The following DGKD variants were observed in gnomAD, a reference collection of about 807,000 sequenced individuals.
DGKD encodes the protein diacylglycerol kinase delta.
DGKD carries 68 observed loss-of-function variants against 154.4 expected under a neutral mutation model. The observed-to-expected ratio is 0.44, with a 90% CI of 0.36 to 0.54. The LOEUF (loss-of-function observed/expected upper bound fraction) is 0.54. DGKD is among the 20% of genes least tolerant of loss of function. DGKD has a pLI of 0.00. For synonymous variants in DGKD, 693 were observed against 638.0 expected, an observed-to-expected ratio of 1.09 and a Z score of -1.30; for missense variants, 1,343 against 1,593.6, an observed-to-expected ratio of 0.84 and a Z score of 2.68.
At position 233,452,139 on chromosome 2, in the gene DGKD, A is replaced by G. The variant is rs2063314817; in HGVS notation, c.2264+79A>G. Reference sequence around the variant, plus strand: ...TAGAAAACAGATCTCAGGATTAACTAGAGAAATTAGTGAGCAGTTGCCCAG... The same window carrying G: ...TAGAAAACAGATCTCAGGATTAACTGGAGAAATTAGTGAGCAGTTGCCCAG... On this transcript the variant is annotated intron_variant, in intron 18 of 29. Coordinates refer to ENST00000264057, the MANE Select transcript of DGKD (RefSeq NM_152879.3). This position sits in a 1 kb window ranked among gnomAD's most constrained non-coding sequence, Gnocchi z 4.0. The G allele has an allele frequency of 4.4e-6, 6 of 1,349,042 alleles. No individual in the cohort carries two copies. The highest frequency in any genetic ancestry group is 5.3e-6 in the Non-Finnish European group (5 of 944,606). 83.6% of individuals were successfully genotyped at this position (1,349,042 alleles called of 1,614,324 possible). A position where few individuals can be genotyped will look rare whatever the true frequency, so the allele number is the denominator to read the frequency against.
chr2:233,361,278 A>C (rs768751557), intron 1 of DGKD, among the ~76,000 whole-genome samples: 1 of 152,204 alleles, frequency 6.6e-6, no homozygotes, highest in Non-Finnish European at 1.5e-5. Context: ...CCCTGCTTCA[A>C]ATCACCTCAG....
intron 6 of DGKD, 59 bp downstream of exon 6, chr2:233,435,983 C>T: frequency 6.7e-7 from 1 of 1,483,348 alleles, no homozygotes; most frequent in East Asian, 2.3e-5. Context: ...CTGCACGGCC[C>T]CATGCAAGCC....
intron 3 of DGKD, among the ~76,000 whole-genome samples, chr2:233,401,861 A>C (rs2061565479): frequency 7.3e-6 from 1 of 136,824 alleles, no homozygotes; most frequent in Non-Finnish European, 1.5e-5. Flanking sequence ...CAGAGGTTGC[A>C]GTGAGCTGAG....
At chr2:233,461,755 G>T (rs1422827234) in intron 24 of DGKD, among the ~76,000 whole-genome samples, 1 of 152,240 alleles carries the variant, frequency 6.6e-6, no homozygotes, top group Non-Finnish European at 1.5e-5. Context: ...GTCAGGACAG[G>T]CTGGCCCCGC....
intron 1 of DGKD, among the ~76,000 whole-genome samples, chr2:233,378,285 G>A (rs1460017553): frequency 1.3e-5 from 2 of 151,890 alleles, no homozygotes; most frequent in African/African-American, 4.8e-5. Flanking sequence ...GGTGGCGGGC[G>A]CCTGTAGTCC....
Position 233,448,070 on chromosome 2 carries a change from A to G in DGKD, c.1420-17A>G. On this transcript the variant is annotated splice_polypyrimidine_tract_variant and intron_variant, in intron 12 of 29. Coordinates refer to ENST00000264057, the MANE Select transcript of DGKD (RefSeq NM_152879.3). ...GTCACAGAGACCAACAGTCCTGGCC[A>G]TTTGGGGTGATTGCAGGTACAGCAG... 6.2e-7 allele frequency: 1 copy of G among 1,613,782 alleles called. No individual in the cohort carries two copies. Among genetic ancestry groups the G allele is most frequent in the Non-Finnish European group, 8.5e-7 (1 of 1,179,956 alleles).
At chr2:233,432,202 T>C (rs191917141) in intron 3 of DGKD, among the ~76,000 whole-genome samples, 56 of 99,148 alleles carry the variant, frequency 5.6e-4, no homozygotes, top group Admixed American at 1.9e-3. Context: ...CCATCCTGGC[T>C]AACACGGTGA....
At position 233,457,824 on chromosome 2, in the gene DGKD, G is replaced by A. The variant is rs1404858332; in HGVS notation, c.2581-460G>A. The A allele has an allele frequency of 8.8e-6, 3 of 339,570 alleles. No individual in the cohort carries two copies. The highest frequency in any genetic ancestry group is 1.7e-5 in the Non-Finnish European group (3 of 172,048). The allele number at this position is 339,570 out of a possible 1,614,324, so 21.0% of individuals were successfully genotyped here. A position where few individuals can be genotyped will look rare whatever the true frequency, so the allele number is the denominator to read the frequency against. ...CAGGGCCTGGGTCACACTGGGCTGT[G>A]TGAGCTGGGGAAGAAGTTTGGAATT... On this transcript the variant is annotated intron_variant, in intron 21 of 29. Transcript: ENST00000264057. The surrounding 1 kb of genome is among the most constrained non-coding windows in gnomAD (Gnocchi z 5.5).
chr2:233,447,182 C>T (rs1418397926), intron 12 of DGKD, among the ~76,000 whole-genome samples: 1 of 93,922 alleles, frequency 1.1e-5, no homozygotes, highest in East Asian at 2.4e-4. Flanking sequence ...TCTGCCGCGG[C>T]TCTCCCCTAG....
intron 2 of DGKD, chr2:233,388,615 G>A: frequency 2.9e-6 from 1 of 346,506 alleles, no homozygotes; most frequent in South Asian, 9.5e-5. Flanking sequence ...AAGGAAAAAA[G>A]GGTCACAGAG....
At chr2:233,373,741 A>T (rs905298819) in intron 1 of DGKD, among the ~76,000 whole-genome samples, 1 of 152,336 alleles carries the variant, frequency 6.6e-6, no homozygotes, top group East Asian at 1.9e-4. Flanking sequence ...TTAAATCTAC[A>T]CTTACCTAAG....
chr2:233,443,166 C>A (rs2062955558), intron 10 of DGKD, among the ~76,000 whole-genome samples: 1 of 152,222 alleles, frequency 6.6e-6, no homozygotes, highest in Admixed American at 6.5e-5. Context: ...AGCTGTCTTT[C>A]CCCGTGCACC....
At chr2:233,363,161 G>A (rs1050017970) in intron 1 of DGKD, among the ~76,000 whole-genome samples, 1 of 152,192 alleles carries the variant, frequency 6.6e-6, no homozygotes, top group Non-Finnish European at 1.5e-5. Context: ...TCCAGAAGAA[G>A]GCATTGTTAT....
chr2:233,395,745 C>T (rs989344083), intron 3 of DGKD, among the ~76,000 whole-genome samples: 5 of 151,040 alleles, frequency 3.3e-5, no homozygotes, highest in East Asian at 2.0e-4. Context: ...CACCATTTAC[C>T]GCAGCCTTGA....
intron 3 of DGKD, among the ~76,000 whole-genome samples, chr2:233,401,967 G>T (rs534666148): frequency 1.5e-5 from 2 of 135,830 alleles, no homozygotes; most frequent in East Asian, 2.3e-4. Flanking sequence ...ATAAACCATC[G>T]AGGGGCCCCT....
intron 10 of DGKD, 118 bp downstream of exon 10, chr2:233,442,113 G>A: frequency 1.0e-6 from 1 of 964,506 alleles, no homozygotes. Flanking sequence ...AGAAACCATT[G>A]GTGGTTTTGG....
chr2:233,388,087 C>T (rs750128644), intron 1 of DGKD, 170 bp from the exon 2 acceptor site: 1 of 1,426,064 alleles, frequency 7.0e-7, no homozygotes, highest in Non-Finnish European at 9.3e-7. Flanking sequence ...CCCCCCATGC[C>T]CCCGGCAGCG....
intron 1 of DGKD, among the ~76,000 whole-genome samples, chr2:233,373,135 C>G (rs1202745242): frequency 6.6e-6 from 1 of 152,174 alleles, no homozygotes; most frequent in Non-Finnish European, 1.5e-5. Context: ...TGGAAAGTGG[C>G]AATGTGCATG....
At chr2:233,425,577 C>A (rs1437039034) in intron 3 of DGKD, among the ~76,000 whole-genome samples, 1 of 152,162 alleles carries the variant, frequency 6.6e-6, no homozygotes, top group Non-Finnish European at 1.5e-5. Context: ...TAAAGTGTTT[C>A]CCAGCCACTC....
Sources: gnomAD v4.1 joint callset for allele counts (sites outside exome capture counted in the v4.1 genomes callset) on GRCh38, gnomAD v4.1.1 for gene constraint, Gnocchi (gnomAD v3.1) non-coding constraint, MANE v1.5 for transcripts, NCBI Gene and HGNC (gene_info 2026-07-23, HGNC 2026-07-21) for gene names.